The following STK33 variants were observed in gnomAD, a reference collection of about 807,000 sequenced individuals.
STK33 encodes serine/threonine kinase 33, also known as serine/threonine-protein kinase 33.
Under a neutral mutation model 58.0 loss-of-function variants are expected in STK33, and 52 were observed. The observed-to-expected ratio is 0.90, with a 90% CI of 0.72 to 1.13. STK33 has a LOEUF of 1.13. Among genes scored for constraint, STK33 ranks in the 50% most tolerant of loss-of-function variants. The probability of loss-of-function intolerance (pLI) is 0.00; values close to 1 mark genes in which losing one functional copy is unlikely to be tolerated. For missense variants in STK33, 630 were observed against 604.2 expected (o/e 1.04, Z -0.45); for synonymous variants, 215 against 200.1 (o/e 1.07, Z -0.63).
chr11:8,441,282 T>C (rs140865462), intron 11 of STK33, among the ~76,000 whole-genome samples: 3 of 151,932 alleles, frequency 2.0e-5, no homozygotes, highest in Non-Finnish European at 2.9e-5. Flanking sequence ...AGAGCTCCTA[T>C]AAAACTGGAT....
chr11:8,512,516 T>C (rs768310098), intron 1 of STK33, among the ~76,000 whole-genome samples: 4 of 152,188 alleles, frequency 2.6e-5, no homozygotes, highest in Admixed American at 6.5e-5. Flanking sequence ...AGGAAAAGCA[T>C]TCCTGTAACA....
chr11:8,417,259 GATAA>G (rs942734395), intron 14 of STK33, among the ~76,000 whole-genome samples: 1 of 152,050 alleles, frequency 6.6e-6, no homozygotes, highest in Non-Finnish European at 1.5e-5. Context: ...CAGCCTTTTG[GATAA>G]ATAAATTTCC....
intron 12 of STK33, 76 bp downstream of exon 12, chr11:8,440,602 T>C (rs1490330288): frequency 3.3e-6 from 4 of 1,217,856 alleles, no homozygotes; most frequent in East Asian, 5.3e-5. Flanking sequence ...ATATTAGTTT[T>C]AATTTAAAGT....
the STK33 span, among the ~76,000 whole-genome samples, chr11:8,378,321 C>G: frequency 6.6e-6 from 1 of 152,162 alleles, no homozygotes; most frequent in Non-Finnish European, 1.5e-5. Context: ...GAGTTTGAGA[C>G]CAGCCTGACC....
intron 1 of STK33, among the ~76,000 whole-genome samples, chr11:8,499,828 C>T (rs541217125): frequency 6.6e-6 from 1 of 152,200 alleles, no homozygotes; most frequent in South Asian, 2.1e-4. Flanking sequence ...GAACAGAAAA[C>T]CAAACACCAC....
intron 1 of STK33, among the ~76,000 whole-genome samples, chr11:8,591,728 C>T (rs1392682603): frequency 2.0e-5 from 3 of 151,854 alleles, no homozygotes; most frequent in East Asian, 3.9e-4. Context: ...CGCAAACTAT[C>T]GCAAGGACAA....
At chr11:8,337,559 G>A in the STK33 span, among the ~76,000 whole-genome samples, 1 of 151,506 alleles carries the variant, frequency 6.6e-6, no homozygotes, top group Non-Finnish European at 1.5e-5. Flanking sequence ...CAGGCCTACA[G>A]GGAGGCTTTG....
chr11:8,415,615 A>T (rs185566358), intron 14 of STK33, among the ~76,000 whole-genome samples: 1 of 152,248 alleles, frequency 6.6e-6, no homozygotes, highest in Admixed American at 6.5e-5. Flanking sequence ...GAGCACTGAG[A>T]TTTGGGTGTC....
chr11:8,377,604 C>T, the STK33 span, among the ~76,000 whole-genome samples: 12 of 152,216 alleles, frequency 7.9e-5, no homozygotes, highest in South Asian at 1.9e-3. Flanking sequence ...CAATATAGTA[C>T]TGGAAGTCCT....
the STK33 span, among the ~76,000 whole-genome samples, chr11:8,380,504 G>A: frequency 0.059 from 8,934 of 150,718 alleles, 449 homozygotes; most frequent in East Asian, 0.26. Flanking sequence ...AGGTTGCAGC[G>A]AGCCGAGATC....
At chr11:8,514,405 A>G (rs1952594463) in intron 1 of STK33, among the ~76,000 whole-genome samples, 1 of 152,218 alleles carries the variant, frequency 6.6e-6, no homozygotes, top group South Asian at 2.1e-4. Flanking sequence ...GGGGAAAAAA[A>G]TCTGAGCTGT....
At chr11:8,342,716 G>C in the STK33 span, among the ~76,000 whole-genome samples, 1 of 152,378 alleles carries the variant, frequency 6.6e-6, no homozygotes, top group East Asian at 1.9e-4. Context: ...ATAAGACACA[G>C]AGAGGCTCAG....
At chr11:8,573,968 T>C (rs1958004410) in intron 1 of STK33, among the ~76,000 whole-genome samples, 1 of 152,214 alleles carries the variant, frequency 6.6e-6, no homozygotes. Flanking sequence ...AGGGTGATGA[T>C]GCAGTTCTGT....
intron 9 of STK33, among the ~76,000 whole-genome samples, chr11:8,455,711 T>C (rs1946765876): frequency 6.9e-6 from 1 of 144,790 alleles, no homozygotes; most frequent in Non-Finnish European, 1.5e-5. Flanking sequence ...CTCGGGAGGC[T>C]GCGGCAGGAG....
intron 1 of STK33, among the ~76,000 whole-genome samples, chr11:8,584,736 C>A (rs552197226): frequency 6.6e-6 from 1 of 152,246 alleles, no homozygotes; most frequent in African/African-American, 2.4e-5. Context: ...CCAGGGCAAA[C>A]AGGAGATAGA....
intron 11 of STK33, among the ~76,000 whole-genome samples, chr11:8,444,743 G>A (rs1320579758): frequency 6.6e-6 from 1 of 151,996 alleles, no homozygotes; most frequent in Non-Finnish European, 1.5e-5. Context: ...TCAAGAAAAT[G>A]CAGAAAACTT....
chr11:8,585,383 C>A (rs2031365008), intron 1 of STK33, among the ~76,000 whole-genome samples: 1 of 151,056 alleles, frequency 6.6e-6, no homozygotes, highest in South Asian at 2.1e-4. Context: ...CACTACTACA[C>A]CCGGCTAATT....
At chr11:8,459,693 T>C (rs1947284588) in intron 8 of STK33, among the ~76,000 whole-genome samples, 2 of 151,876 alleles carry the variant, frequency 1.3e-5, no homozygotes, top group African/African-American at 4.8e-5. Flanking sequence ...AGCCTAGCAG[T>C]CTCCATGAGT....
chr11:8,547,193 T>C (rs776203048), intron 1 of STK33, among the ~76,000 whole-genome samples: 8 of 152,058 alleles, frequency 5.3e-5, no homozygotes, highest in Non-Finnish European at 8.8e-5. Context: ...GAGTTGGCCA[T>C]TTGTATGTCT....
Sources: allele counts gnomAD v4.1 joint callset (sites outside exome capture counted in the v4.1 genomes callset), GRCh38; gene constraint gnomAD v4.1.1; transcripts MANE v1.5; gene names NCBI Gene and HGNC (gene_info 2026-07-23, HGNC 2026-07-21).